The following MACROD2 variants were observed in gnomAD, a reference collection of about 807,000 sequenced individuals.
MACROD2 encodes the protein ADP-ribose glycohydrolase MACROD2.
A neutral mutation model predicts 70.4 loss-of-function variants in MACROD2; 36 were observed. That is an observed-to-expected ratio of 0.51 (90% CI 0.39 to 0.68). The LOEUF is 0.68. Ranked by LOEUF, MACROD2 falls within the 30% of genes least tolerant of loss-of-function variation. The pLI, the probability that MACROD2 is intolerant of heterozygous loss-of-function variation, is 0.00. For missense variants in MACROD2, 496 were observed against 538.4 expected, an observed-to-expected ratio of 0.92 and a Z score of 0.78; for synonymous variants, 172 against 178.8, an observed-to-expected ratio of 0.96 and a Z score of 0.30.
chr20:14,582,381 T>A (rs775651702), intron 4 of MACROD2, among the ~76,000 whole-genome samples: 8 of 152,144 alleles, frequency 5.3e-5, no homozygotes, highest in Non-Finnish European at 1.2e-4. Context: ...GTTATCCCCA[T>A]GCTTTCGTCT....
At chr20:15,430,075 T>C (rs1389449689) in intron 6 of MACROD2, among the ~76,000 whole-genome samples, 3 of 152,076 alleles carry the variant, frequency 2.0e-5, no homozygotes, top group Non-Finnish European at 4.4e-5. Flanking sequence ...TCTAGTTCCA[T>C]CTATATTGCT....
intron 4 of MACROD2, among the ~76,000 whole-genome samples, chr20:14,517,467 C>T (rs2085114752): frequency 6.6e-6 from 1 of 152,038 alleles, no homozygotes. Context: ...TGTTTTCACT[C>T]ATAAGTGGGA....
intron 4 of MACROD2, among the ~76,000 whole-genome samples, chr20:14,548,289 A>C (rs374640040): frequency 3.2e-4 from 49 of 152,306 alleles, no homozygotes; most frequent in African/African-American, 1.1e-3. Context: ...ACTCCATGAT[A>C]GTTTTCCCTC....
Position 15,230,059 on chromosome 20 carries a change from G to A in MACROD2, c.538G>A (p.Val180Ile). Residue 180 changes from valine to isoleucine, a missense_variant and splice_region_variant, in exon 6 of 18, where the codon GTT becomes ATT. Physicochemically the swap from Val to Ile is conservative, Grantham distance 29. Coordinates refer to ENST00000684519, the MANE Select transcript of MACROD2 (RefSeq NM_001351661.2). ...KLVKENNIRS[V>I]AFPCISTGIY... The stretch of plus-strand genomic sequence containing the variant: ...CGTGAAAGAAAATAACATCCGATCA[G>A]TTGTAAGTAATTTTATGTTTTTTAT... 2 of 1,612,164 alleles carry A rather than the reference G, an allele frequency of 1.2e-6. No homozygotes were observed. Among genetic ancestry groups the A allele is most frequent in the Non-Finnish European group, 1.7e-6 (2 of 1,179,106 alleles).
At chr20:14,810,492 G>T (rs1600686626) in intron 5 of MACROD2, among the ~76,000 whole-genome samples, 1 of 152,066 alleles carries the variant, frequency 6.6e-6, no homozygotes, top group South Asian at 2.1e-4. Flanking sequence ...CATACTGAAT[G>T]AACAAAAGCT....
At chr20:15,279,394 C>T (rs1048940845) in intron 6 of MACROD2, among the ~76,000 whole-genome samples, 1 of 152,132 alleles carries the variant, frequency 6.6e-6, no homozygotes, top group African/African-American at 2.4e-5. Flanking sequence ...AAAATGGACT[C>T]TCAGTCATCC....
chr20:15,949,377 A>G (rs1012299), intron 12 of MACROD2, among the ~76,000 whole-genome samples: 141,006 of 152,192 alleles, frequency 0.93, 65,897 homozygotes, highest in Non-Finnish European at 0.99. Context: ...ATCATCACCA[A>G]ATCAAGAAAT....
intron 5 of MACROD2, among the ~76,000 whole-genome samples, chr20:15,126,514 A>T (rs1160335886): frequency 1.3e-5 from 2 of 152,104 alleles, no homozygotes; most frequent in Non-Finnish European, 2.9e-5. Context: ...AAATTATTAA[A>T]ATCTTGCAGC....
chr20:15,742,099 C>T (rs531531242), intron 8 of MACROD2, among the ~76,000 whole-genome samples: 4 of 152,260 alleles, frequency 2.6e-5, no homozygotes, highest in African/African-American at 7.2e-5. Context: ...TTTCTCCTTT[C>T]ATTAATGACT....
chr20:14,503,904 TAAAC>T (rs1269913908), intron 4 of MACROD2, among the ~76,000 whole-genome samples: 3 of 152,222 alleles, frequency 2.0e-5, no homozygotes, highest in Non-Finnish European at 2.9e-5. Flanking sequence ...CAGATTTTGT[TAAAC>T]AAGGAATAAT....
Position 14,100,676 on chromosome 20 carries a change from TTATA to T in MACROD2, c.271+14952_271+14955del, listed in dbSNP as rs1287987008. ...TATATAAATATATATTTAAATGTATTTATATATTTATTTTAAATATATAAATATA... is the reference window on the plus strand; with the variant it reads ...TATATAAATATATATTTAAATGTATTTATTTATTTTAAATATATAAATATA... On this transcript the variant is annotated intron_variant, in intron 3 of 17. Coordinates refer to ENST00000684519, the MANE Select transcript of MACROD2 (RefSeq NM_001351661.2). 3.0e-3 allele frequency among the ~76,000 whole-genome samples: 406 copies of T among 135,732 alleles called. 2 individuals are homozygous for T. The highest frequency in any genetic ancestry group is 4.9e-3 in the Non-Finnish European group (317 of 64,358). 89.0% of individuals were successfully genotyped at this position (135,732 alleles called of 152,430 possible).
rs1165212890 is a variant in MACROD2 at position 14,927,394 on chromosome 20, A to G, written c.418+242435A>G. On this transcript the variant is annotated intron_variant, in intron 5 of 17. Coordinates refer to ENST00000684519, the MANE Select transcript of MACROD2 (RefSeq NM_001351661.2). ...AGCCTCAACACTAGACTGTCCTAGC[A>G]GAAACACTACTGCTGCTATTACCCA... is the stretch of plus-strand genomic sequence containing the variant. Among the ~76,000 whole-genome samples the G allele has an allele frequency of 2.6e-5, 4 of 152,192 alleles. 1 individual carries two copies. Among genetic ancestry groups the G allele is most frequent in the African/African-American group, 9.6e-5 (4 of 41,456 alleles).
intron 9 of MACROD2, among the ~76,000 whole-genome samples, chr20:15,863,928 T>C (rs955134906): frequency 6.6e-6 from 1 of 152,228 alleles, no homozygotes; most frequent in Non-Finnish European, 1.5e-5. Flanking sequence ...ATTTTATAAT[T>C]GAAAGCTGGC....
chr20:15,773,510 A>G (rs1475360879), intron 8 of MACROD2, among the ~76,000 whole-genome samples: 1 of 152,148 alleles, frequency 6.6e-6, no homozygotes, highest in African/African-American at 2.4e-5. Context: ...GCTTTCATCT[A>G]AAATGATATT....
intron 2 of MACROD2, among the ~76,000 whole-genome samples, chr20:14,038,295 C>CA (rs56831426): frequency 0.39 from 53,732 of 139,060 alleles, 10,115 homozygotes; most frequent in East Asian, 0.5. Flanking sequence ...GACTCCGTCT[C>CA]AAAAAAAAAA....
chr20:14,655,579 A>G (rs778386231), intron 4 of MACROD2, among the ~76,000 whole-genome samples: 6 of 152,122 alleles, frequency 3.9e-5, no homozygotes, highest in Non-Finnish European at 8.8e-5. Flanking sequence ...CTAAGCTATA[A>G]GAGGAATTTT....
chr20:15,837,687 A>T (rs1194571472), intron 8 of MACROD2, among the ~76,000 whole-genome samples: 1 of 152,132 alleles, frequency 6.6e-6, no homozygotes, highest in Non-Finnish European at 1.5e-5. Flanking sequence ...TATTAACAAA[A>T]CAATTTTATT....
At chr20:15,045,719 G>GTTTTTTTTTTTTTTTT (rs71335981) in intron 5 of MACROD2, among the ~76,000 whole-genome samples, 4 of 73,382 alleles carry the variant, frequency 5.5e-5, no homozygotes, top group Non-Finnish European at 5.0e-5. Flanking sequence ...CCAGACCAGG[G>GTTTTTTTTTTTTTTTT]TTTTTTTTTT....
chr20:15,461,006 A>ATATATATATATATATATATATATATATTT, intron 7 of MACROD2, among the ~76,000 whole-genome samples: 2 of 66,990 alleles, frequency 3.0e-5, no homozygotes, highest in Non-Finnish European at 6.6e-5. Context: ...ATATATATAT[A>ATATATATATATATATATATATATATATTT]TTTTTTTTTA....
Sources: allele counts gnomAD v4.1 joint callset (sites outside exome capture counted in the v4.1 genomes callset), GRCh38; gene constraint gnomAD v4.1.1; transcripts MANE v1.5; gene names NCBI Gene and HGNC (gene_info 2026-07-23, HGNC 2026-07-21).